Variants in SYNPO2 observed in about 807,000 individuals in gnomAD.
SYNPO2 encodes synaptopodin 2.
SYNPO2 carries 56 observed loss-of-function variants against 85.0 expected under a neutral mutation model. The observed-to-expected ratio is 0.66, with a 90% confidence interval of 0.53 to 0.82. SYNPO2 has a LOEUF of 0.82. Ranked by LOEUF, SYNPO2 falls within the 40% of genes least tolerant of loss-of-function variation. The probability of loss-of-function intolerance (pLI) is 0.00; values close to 1 mark genes in which losing one functional copy is unlikely to be tolerated. For missense variants in SYNPO2, 1,575 were observed against 1,534.2 expected (o/e 1.03, Z -0.44); for synonymous variants, 602 against 591.1 (o/e 1.02, Z -0.27).
chr4:118,918,010 C>T (rs17050285), intron 1 of SYNPO2, among the ~76,000 whole-genome samples: 31,256 of 151,980 alleles, frequency 0.21, 3,412 homozygotes, highest in African/African-American at 0.28. Context: ...TGGCAGTTTT[C>T]CCATCAAATT....
chr4:118,917,766 G>A (rs986310269), intron 1 of SYNPO2, among the ~76,000 whole-genome samples: 2 of 152,170 alleles, frequency 1.3e-5, no homozygotes, highest in Non-Finnish European at 2.9e-5. Flanking sequence ...CATCATTTAT[G>A]CTTTTGAAAA....
intron 1 of SYNPO2, among the ~76,000 whole-genome samples, chr4:119,010,772 ACT>A (rs1737267716): frequency 6.6e-6 from 1 of 152,220 alleles, no homozygotes; most frequent in African/African-American, 2.4e-5. Context: ...AGCCCATAAC[ACT>A]GTTTGTCACA....
intron 1 of SYNPO2, among the ~76,000 whole-genome samples, chr4:118,855,098 G>A (rs534338151): frequency 6.7e-6 from 1 of 149,632 alleles, no homozygotes; most frequent in Admixed American, 6.8e-5. Context: ...CAAACAGGAT[G>A]ACGTTCCAAT....
chr4:118,992,422 A>C (rs17328610), intron 1 of SYNPO2, among the ~76,000 whole-genome samples: 33,116 of 152,094 alleles, frequency 0.22, 3,828 homozygotes, highest in South Asian at 0.33. Context: ...CAAGGATGAC[A>C]ATGAGGTTTC....
At position 119,057,464 on chromosome 4, in the gene SYNPO2, T is replaced by C; in HGVS notation, c.3316T>C (p.Trp1106Arg). 6 of 1,613,964 alleles carry C rather than the reference T, an allele frequency of 3.7e-6. No individual in the cohort carries two copies. The highest frequency in any genetic ancestry group is 5.1e-6 in the Non-Finnish European group (6 of 1,179,972). Reference protein sequence around the residue: ...SVPPPISTSPWVYQPTYSYSS... With the variant: ...SVPPPISTSPRVYQPTYSYSS... ...CCCACCCCCCATTTCTACATCTCCT[T>C]GGGTATACCAGCCTACTTATAGTTA... Residue 1106 changes from tryptophan (W) to arginine (R), a missense_variant, in exon 5 of 5, where the codon TGG becomes CGG. Coordinates refer to ENST00000307142, the MANE Select transcript of SYNPO2 (RefSeq NM_133477.3).
chr4:119,016,770 A>G (rs1190472884), intron 1 of SYNPO2, among the ~76,000 whole-genome samples: 2 of 152,178 alleles, frequency 1.3e-5, no homozygotes, highest in Admixed American at 6.5e-5. Flanking sequence ...CCATATTTGT[A>G]CTTAGTTTTC....
intron 1 of SYNPO2, among the ~76,000 whole-genome samples, chr4:119,007,072 A>T (rs944010241): frequency 6.7e-6 from 1 of 150,140 alleles, no homozygotes; most frequent in Non-Finnish European, 1.5e-5. Context: ...GAAAGACATG[A>T]TCTCTAACTT....
At chr4:118,945,572 A>T (rs1734470363) in intron 1 of SYNPO2, among the ~76,000 whole-genome samples, 2 of 152,204 alleles carry the variant, frequency 1.3e-5, no homozygotes, top group Admixed American at 1.3e-4. Context: ...AAAAAGCAAG[A>T]TGATTTGTCC....
At chr4:119,019,184 A>T (rs1005435352) in intron 1 of SYNPO2, among the ~76,000 whole-genome samples, 3 of 152,194 alleles carry the variant, frequency 2.0e-5, no homozygotes, top group African/African-American at 7.2e-5. Flanking sequence ...CTCTGTAACA[A>T]ACCTTCACAT....
intron 3 of SYNPO2, among the ~76,000 whole-genome samples, chr4:119,028,412 T>C (rs533475280): frequency 3.9e-5 from 6 of 152,304 alleles, no homozygotes; most frequent in South Asian, 2.1e-4. Flanking sequence ...TGTAGCTTTA[T>C]TGGCAAGTGC....
chr4:118,889,910 G>A (rs1174599302), intron 1 of SYNPO2, among the ~76,000 whole-genome samples: 1 of 152,042 alleles, frequency 6.6e-6, no homozygotes, highest in Non-Finnish European at 1.5e-5. Flanking sequence ...TTCTCTAATT[G>A]GCATTCAGCT....
At chr4:118,990,042 C>T (rs541144630) in intron 1 of SYNPO2, among the ~76,000 whole-genome samples, 1 of 152,316 alleles carries the variant, frequency 6.6e-6, no homozygotes, top group African/African-American at 2.4e-5. Context: ...CAAGCATAAT[C>T]CCATATGGCA....
intron 4 of SYNPO2, chr4:119,034,967 A>T: frequency 1.0e-6 from 1 of 985,414 alleles, no homozygotes; most frequent in Non-Finnish European, 1.2e-6. Context: ...TTTAGTTTTT[A>T]GGACTTTGCC....
intron 1 of SYNPO2, among the ~76,000 whole-genome samples, chr4:119,009,932 C>G (rs973762774): frequency 1.3e-5 from 2 of 152,238 alleles, no homozygotes; most frequent in African/African-American, 2.4e-5. Flanking sequence ...GTGCTTCTCA[C>G]AAGCCTCCAG....
At chr4:119,032,280 C>A (rs972191454) in intron 4 of SYNPO2, 1 of 1,394,524 alleles carries the variant, frequency 7.2e-7, no homozygotes, top group African/African-American at 1.4e-5. Flanking sequence ...AATCCAGGAG[C>A]ACCCCAAAAT....
At chr4:118,947,137 A>G (rs907779100) in intron 1 of SYNPO2, among the ~76,000 whole-genome samples, 3 of 152,236 alleles carry the variant, frequency 2.0e-5, no homozygotes, top group Non-Finnish European at 4.4e-5. Context: ...AGTTGAATTC[A>G]TCTTAAAGCA....
chr4:119,026,068 A>C (rs960874591), intron 2 of SYNPO2, among the ~76,000 whole-genome samples: 1 of 152,230 alleles, frequency 6.6e-6, no homozygotes, highest in Non-Finnish European at 1.5e-5. Flanking sequence ...CTCTTTACGC[A>C]AGAGTACTGG....
chr4:118,873,941 C>T (rs1485005455), intron 1 of SYNPO2, among the ~76,000 whole-genome samples: 1 of 111,138 alleles, frequency 9.0e-6, no homozygotes, highest in Non-Finnish European at 2.0e-5. Flanking sequence ...AAAAGAGTGT[C>T]CTTTTCCCAC....
intron 1 of SYNPO2, among the ~76,000 whole-genome samples, chr4:119,007,567 T>C (rs1178008960): frequency 2.0e-5 from 3 of 151,990 alleles, no homozygotes; most frequent in African/African-American, 4.8e-5. Context: ...TATTTCATAA[T>C]ACTCTGTTCA....
Sources: gnomAD v4.1 joint callset for allele counts (sites outside exome capture counted in the v4.1 genomes callset) on GRCh38, gnomAD v4.1.1 for gene constraint, MANE v1.5 for transcripts, NCBI Gene and HGNC (gene_info 2026-07-23, HGNC 2026-07-21) for gene names.